Variants in ABCA7 observed in about 807,000 individuals in gnomAD.
The protein encoded by ABCA7 is phospholipid-transporting ATPase ABCA7.
A neutral mutation model predicts 227.6 loss-of-function variants in ABCA7; 261 were observed. That is an observed-to-expected ratio of 1.15 (90% CI 1.04 to 1.27). The LOEUF is 1.27. Among genes scored for constraint, ABCA7 ranks in the 50% most tolerant of loss-of-function variants. ABCA7 has a pLI of 0.00. For missense variants in ABCA7, 3,331 were observed against 2,924.5 expected, an observed-to-expected ratio of 1.14 and a Z score of -3.21; for synonymous variants, 1,488 against 1,279.7, an observed-to-expected ratio of 1.16 and a Z score of -3.47.
At chr19:1,048,815 A>AG in intron 16 of ABCA7, 80 bp from the exon 17 acceptor site, 1 of 809,374 alleles carries the variant, frequency 1.2e-6, no homozygotes, top group South Asian at 2.3e-5. Context: ...TCTCAAAAAA[A>AG]AAAAAAAACA....
In ABCA7 at chr19:1,042,800, G is replaced by A; in HGVS notation, c.553G>A (p.Glu185Lys). The A allele has an allele frequency of 6.2e-7, 1 of 1,611,518 alleles. No individual in the cohort carries two copies. Among genetic ancestry groups the A allele is most frequent in the South Asian group, 1.1e-5 (1 of 91,010 alleles). The change falls in exon 7 of 47, where the codon GAG becomes AAG. Residue 185 changes from glutamate (E) to lysine (K), a missense_variant. Glu to Lys is a moderately conservative substitution (Grantham distance 56). Coordinates refer to ENST00000263094, the MANE Select transcript of ABCA7 (RefSeq NM_019112.4). ...CCAGGAGCCCTTGCACAGCTTGTTG[G>A]AGGCCGCTGAGGACCTGGCCCAGGA... Reference protein sequence around the residue: ...QAQEPLHSLLEAAEDLAQELL... With the variant: ...QAQEPLHSLLKAAEDLAQELL...
chr19:1,048,850 C>G (rs755151407), intron 16 of ABCA7, 45 bp from the exon 17 acceptor site: 1 of 1,164,962 alleles, frequency 8.6e-7, no homozygotes, highest in South Asian at 1.4e-5. Flanking sequence ...GCCTGGTACA[C>G]TCCTGGGGGG....
chr19:1,047,692 C>G (rs760891196), intron 16 of ABCA7, 38 bp downstream of exon 16: 5 of 1,538,136 alleles, frequency 3.3e-6, no homozygotes, highest in Non-Finnish European at 1.7e-6. Context: ...CCGGGTCGCA[C>G]CTGCTTTGCG....
Position 1,056,405 on chromosome 19 carries a change from C to T in ABCA7, c.4492C>T (p.His1498Tyr), listed in dbSNP as rs867213537. The T allele has an allele frequency of 6.2e-7, 1 of 1,613,480 alleles. No individual in the cohort carries two copies. The highest frequency in any genetic ancestry group is 1.3e-5 in the African/African-American group (1 of 75,018). The part of the protein sequence containing the change: ...NRASNAILRA[H>Y]LPPGPARHAH... ...AGCCAGCAACGCAATCCTCCGTGCT[C>T]ACCTGCCCCCAGGCCCGGCCCGCCA... Residue 1498 changes from histidine to tyrosine, a missense_variant, in exon 33 of 47, where the codon CAC (histidine) becomes TAC (tyrosine). Coordinates refer to ENST00000263094, the MANE Select transcript of ABCA7 (RefSeq NM_019112.4). The surrounding 1 kb of genome is among the most constrained non-coding windows in gnomAD (Gnocchi z 4.3).
chr19:1,061,721 C>T, intron 40 of ABCA7, 61 bp from the exon 41 acceptor site: 1 of 1,178,742 alleles, frequency 8.5e-7, no homozygotes, highest in South Asian at 1.4e-5. Flanking sequence ...AAAAAGAAAT[C>T]AGAGATGCCG....
chr19:1,044,897 T>C, intron 11 of ABCA7, 105 bp from the exon 12 acceptor site: 1 of 1,504,042 alleles, frequency 6.6e-7, no homozygotes, highest in East Asian at 2.3e-5. Flanking sequence ...GCCGTGGGCC[T>C]ACGAGGGGAA....
rs150867671 is a variant in ABCA7, at chr19:1,045,084, G to A, written c.1298G>A (p.Arg433Gln). 7.1e-5 allele frequency: 114 copies of A among 1,612,928 alleles called. No homozygotes were observed. In the African/African-American group the frequency reaches 1.4e-3, roughly 19 times the overall value. ...GCCCTGCAACTGCTCGCGGAACATC[G>A]ATTCTGGGCCGGCGTCGTCTTCTTG... ...SRALQLLAEHRFWAGVVFLGP... is the reference protein window; with the variant it reads ...SRALQLLAEHQFWAGVVFLGP... Residue 433 changes from arginine to glutamine, a missense_variant, in exon 12 of 47, where the codon CGA becomes CAA. Physicochemically the swap from Arg to Gln is conservative, Grantham distance 43 (BLOSUM62 1). Transcript: ENST00000263094.
Position 1,056,350 on chromosome 19 carries a change from C to T in ABCA7, c.4437C>T (p.Gly1479=), listed in dbSNP as rs370156716. 5.6e-6 allele frequency: 9 copies of T among 1,613,480 alleles called. No individual in the cohort carries two copies. Among genetic ancestry groups the T allele is most frequent in the Non-Finnish European group, 5.9e-6 (7 of 1,179,976 alleles). The part of the protein sequence containing the change: ...DSLKIWFNNK[G]WHSMVAFVNR... Reference sequence around the variant, plus strand: ...CCCAGATCTGGTTCAACAACAAAGGCTGGCACTCCATGGTGGCCTTTGTCA... The same window carrying T: ...CCCAGATCTGGTTCAACAACAAAGGTTGGCACTCCATGGTGGCCTTTGTCA... The change falls in exon 33 of 47, where the codon GGC becomes GGT. Residue 1479 remains glycine, a synonymous_variant. Transcript: ENST00000263094. This position sits in a 1 kb window ranked among gnomAD's most constrained non-coding sequence, Gnocchi z 4.3.
At chr19:1,058,549 G>C in intron 37 of ABCA7, 69 bp from the exon 38 acceptor site, 1 of 1,594,342 alleles carries the variant, frequency 6.3e-7, no homozygotes, top group Middle Eastern at 1.7e-4. Context: ...AATCCAGAGT[G>C]ACATGGATGG....
At chr19:1,048,096 G>A (rs546647225) in intron 16 of ABCA7, among the ~76,000 whole-genome samples, 135 of 152,028 alleles carry the variant, frequency 8.9e-4, no homozygotes, top group African/African-American at 3.0e-3. Context: ...TACTCGGGAG[G>A]ATGGGGTGGG....
chr19:1,053,887 G>C (rs765902755), intron 25 of ABCA7, 51 bp downstream of exon 25: 1 of 1,595,594 alleles, frequency 6.3e-7, no homozygotes. Context: ...TGGGACCAGA[G>C]GCCAGGTCCC....
At position 1,045,066 on chromosome 19, in the gene ABCA7, A is replaced by C; in HGVS notation, c.1280A>C (p.Gln427Pro). ...GCAGCCCTGGTGTCGCGGGCCCTGC[A>C]ACTGCTCGCGGAACATCGATTCTGG... ...SEAALVSRAL[Q>P]LLAEHRFWAG... The change falls in exon 12 of 47, where the codon CAA becomes CCA. Residue 427 changes from glutamine to proline, a missense_variant. Physicochemically the swap from Gln to Pro is moderately conservative, Grantham distance 76. Transcript: ENST00000263094. 6.2e-7 allele frequency: 1 copy of C among 1,612,926 alleles called. No homozygotes were observed. Among genetic ancestry groups the C allele is most frequent in the South Asian group, 1.1e-5 (1 of 91,078 alleles).
At chr19:1,048,064 G>A (rs1190637561) in intron 16 of ABCA7, among the ~76,000 whole-genome samples, 1 of 152,022 alleles carries the variant, frequency 6.6e-6, no homozygotes, top group Non-Finnish European at 1.5e-5. Flanking sequence ...TGGGCGTGGT[G>A]GCACGCTCCT....
chr19:1,047,342 G>A lies in ABCA7; in HGVS notation c.2031G>A (p.Trp677Ter). ...LYLPYVLCVAWRDRLPAGGRV... is the reference protein window; with the variant it reads ...LYLPYVLCVA ...TGCCCTACGTGCTGTGTGTGGCTTG[G>A]CGGGACCGGCTGCCCGCGGGTGGCC... The change falls in exon 15 of 47, where the codon TGG (tryptophan) becomes TGA (stop). Residue 677 changes from tryptophan to a stop codon, truncating the protein, a stop_gained. Coordinates refer to ENST00000263094, the MANE Select transcript of ABCA7 (RefSeq NM_019112.4). LOFTEE classifies it high-confidence loss of function. 1.9e-6 allele frequency: 3 copies of A among 1,584,716 alleles called. No homozygotes were observed. Among genetic ancestry groups the A allele is most frequent in the Non-Finnish European group, 2.6e-6 (3 of 1,170,118 alleles).
intron 40 of ABCA7, 105 bp from the exon 41 acceptor site, chr19:1,061,676 GA>G: frequency 9.1e-7 from 1 of 1,096,952 alleles, no homozygotes. Context: ...TCCAGCCTGG[GA>G]AACAAGAGCA....
At chr19:1,062,360 G>A in intron 42 of ABCA7, 47 bp downstream of exon 42, 7 of 1,586,346 alleles carry the variant, frequency 4.4e-6, no homozygotes, top group Non-Finnish European at 5.1e-6. Context: ...GGGCCCACCC[G>A]ACCCAGGCCG....
At position 1,056,938 on chromosome 19, in the gene ABCA7, A is replaced by C; in HGVS notation, c.4618A>C (p.Ile1540Leu). The C allele has an allele frequency of 6.2e-7, 1 of 1,613,926 alleles. No homozygotes were observed. Among genetic ancestry groups the C allele is most frequent in the Non-Finnish European group, 8.5e-7 (1 of 1,179,944 alleles). Residue 1540 changes from isoleucine to leucine, a missense_variant, in exon 34 of 47, where the codon ATC becomes CTC. Physicochemically the swap from Ile to Leu is conservative, Grantham distance 5. Coordinates refer to ENST00000263094, the MANE Select transcript of ABCA7 (RefSeq NM_019112.4). The surrounding 1 kb of genome is among the most constrained non-coding windows in gnomAD (Gnocchi z 4.3). The part of the protein sequence containing the change: ...MASSVDVLVS[I>L]CVVFAMSFVP... ...CTCCTCGGTGGACGTCCTCGTCTCC[A>C]TCTGTGTGGTCTTTGCCATGTCCTT... is the stretch of plus-strand genomic sequence containing the variant.
chr19:1,064,120 GGCCCCGGCCT>G (rs771299085), intron 44 of ABCA7, 31 bp from the exon 45 acceptor site: 3 of 1,512,024 alleles, frequency 2.0e-6, no homozygotes, highest in Non-Finnish European at 2.7e-6. Flanking sequence ...AGGCACAGGT[GGCCCCGGCCT>G]CACGGAGCTC....
At chr19:1,051,796 G>T (rs1384210836) in intron 21 of ABCA7, 146 bp from the exon 22 acceptor site, 4 of 1,215,814 alleles carry the variant, frequency 3.3e-6, no homozygotes, top group Non-Finnish European at 4.5e-6. Flanking sequence ...GCCAGAAAAG[G>T]TTTCCAACAA....
Sources: allele counts gnomAD v4.1 joint callset (sites outside exome capture counted in the v4.1 genomes callset), GRCh38; gene constraint gnomAD v4.1.1; non-coding constraint Gnocchi (gnomAD v3.1); transcripts MANE v1.5; gene names NCBI Gene and HGNC (gene_info 2026-07-23, HGNC 2026-07-21).